DCHS1: variants seen among roughly 807,000 people sequenced by gnomAD.
DCHS1 encodes the protein dachsous cadherin-related 1.
A neutral mutation model predicts 213.9 loss-of-function variants in DCHS1; 78 were observed. That is an observed-to-expected ratio of 0.36 (90% CI 0.30 to 0.44). The LOEUF is 0.44. Among genes scored for constraint, DCHS1 ranks in the 20% least tolerant of loss-of-function variants. The pLI, the probability that DCHS1 is intolerant of heterozygous loss-of-function variation, is 1.00. For missense variants in DCHS1, 3,946 were observed against 4,395.9 expected, an observed-to-expected ratio of 0.90 and a Z score of 2.89; for synonymous variants, 1,828 against 1,873.7, an observed-to-expected ratio of 0.98 and a Z score of 0.63.
chr11:6,634,605 T>C (rs1223887603), intron 2 of DCHS1, among the ~76,000 whole-genome samples: 10 of 152,236 alleles, frequency 6.6e-5, no homozygotes, highest in Admixed American at 6.5e-4. Context: ...AACATTGAAC[T>C]CACAGCCAAC....
intron 2 of DCHS1, among the ~76,000 whole-genome samples, chr11:6,635,703 C>T (rs960121542): frequency 1.2e-4 from 19 of 152,180 alleles, no homozygotes; most frequent in Non-Finnish European, 7.3e-5. Context: ...GACAGACTTC[C>T]CCTACATCAA....
chr11:6,633,355 A>T, intron 5 of DCHS1, 57 bp downstream of exon 5: 1 of 1,489,072 alleles, frequency 6.7e-7, no homozygotes, highest in Non-Finnish European at 9.1e-7. Context: ...ATGGTGCTGG[A>T]GGGTTATACT....
In DCHS1 at chr11:6,625,315, G is replaced by A. The variant is rs1855776420; in HGVS notation, c.7029C>T (p.Asp2343=). 2 of 1,613,722 alleles carry A rather than the reference G, an allele frequency of 1.2e-6. No homozygotes were observed. The highest frequency in any genetic ancestry group is 1.3e-5 in the African/African-American group (1 of 74,930). ...LTGPLDFEQC[D]RYQLQLLAHD... is the part of the protein sequence containing the mutation. ...GTGCCAGCAGCTGCAGCTGGTAGCGGTCACACTGCTCAAAGTCCAGGGGCC... is the reference window on the plus strand; with the variant it reads ...GTGCCAGCAGCTGCAGCTGGTAGCGATCACACTGCTCAAAGTCCAGGGGCC... Residue 2343 remains aspartate, a synonymous_variant, in exon 19 of 21, where the codon GAC becomes GAT. Coordinates refer to ENST00000299441, the MANE Select transcript of DCHS1 (RefSeq NM_003737.4). This position sits in a 1 kb window ranked among gnomAD's most constrained non-coding sequence, Gnocchi z 5.3.
Position 6,640,938 on chromosome 11 carries a change from C to T in DCHS1, c.676G>A (p.Glu226Lys). Residue 226 changes from glutamate to lysine, a missense_variant, in exon 2 of 21, where the codon GAG becomes AAG. Glu to Lys is a moderately conservative substitution (Grantham distance 56, BLOSUM62 1). This residue lies in a region of DCHS1 where 3,384 missense variants were observed against 3,780.1 expected (regional missense o/e 0.90). Coordinates refer to ENST00000299441, the MANE Select transcript of DCHS1 (RefSeq NM_003737.4). This position sits in a 1 kb window ranked among gnomAD's most constrained non-coding sequence, Gnocchi z 6.5. ...GGGGGTGAACCACCATCATAGGCCT[C>T]CAGCTGTAGCATATAGTGTGAGCGG... ...ENRSHYMLQL[E>K]AYDGGSPPRR... 1 of 1,614,028 alleles carries T rather than the reference C, an allele frequency of 6.2e-7. No individual in the cohort carries two copies. The highest frequency in any genetic ancestry group is 8.5e-7 in the Non-Finnish European group (1 of 1,179,890).
At position 6,634,198 on chromosome 11, in the gene DCHS1, C is replaced by T. The variant is rs778767800; in HGVS notation, c.1906G>A (p.Gly636Ser). The T allele has an allele frequency of 6.2e-6, 10 of 1,613,894 alleles. No homozygotes were observed. The highest frequency in any genetic ancestry group is 3.3e-5 in the Admixed American group (2 of 60,018). Residue 636 changes from glycine (G) to serine (S), a missense_variant, in exon 3 of 21, where the codon GGT becomes AGT. Gly to Ser is a moderately conservative substitution (Grantham distance 56, BLOSUM62 0). Transcript: ENST00000299441. ...AGGGTCCGGGTTGTGCACACATCAC[C>T]GCTGTGGGCATCAATGCGGAATGGG... ...SPPFRIDAHS[G>S]DVCTTRTLDR... is the part of the protein sequence containing the mutation.
In DCHS1 at chr11:6,629,884, T is replaced by C. The variant is rs1225216720; in HGVS notation, c.4823A>G (p.Asp1608Gly). The C allele has an allele frequency of 1.2e-5, 20 of 1,612,696 alleles. No individual in the cohort carries two copies. The highest frequency in any genetic ancestry group is 1.7e-5 in the Non-Finnish European group (20 of 1,179,496). Residue 1608 changes from aspartate to glycine, a missense_variant, in exon 11 of 21, where the codon GAC becomes GGC. By Grantham distance (94) the Asp-to-Gly change is moderately conservative (BLOSUM62 -1). Coordinates refer to ENST00000299441, the MANE Select transcript of DCHS1 (RefSeq NM_003737.4). ...TGALSVVRPL[D>G]REQRAEHVLT... ...TACGTGCTCAGCTCGTTGTTCGCGG[T>C]CCAACGGCCGCACCACGGACAGCGC...
rs1022849367 is a variant in DCHS1, at chr11:6,623,623, C to T, written c.8053G>A (p.Ala2685Thr). ...GTCACTGGTGCCAAAGCAAAGTGTG[C>T]ACCAGCAGGGTCAGCAGCCTGTACT... ...LVVQAADPAG[A>T]HFALAPVTIE... Residue 2685 changes from alanine to threonine, a missense_variant, in exon 21 of 21, where the codon GCA becomes ACA. Ala to Thr is a moderately conservative substitution (Grantham distance 58). Transcript: ENST00000299441. The T allele has an allele frequency of 2.5e-6, 4 of 1,613,816 alleles. No homozygotes were observed. The highest frequency in any genetic ancestry group is 3.4e-6 in the Non-Finnish European group (4 of 1,179,886).
At position 6,640,274 on chromosome 11, in the gene DCHS1, G is replaced by A. The variant is rs1856047929; in HGVS notation, c.1340C>T (p.Ser447Leu). ...CTCAGCCCGCAGTGGAGGTGAGCCT[G>A]AGTCTGTGGCTGTAACCCTCAAGTT... ...AYNLRVTATD[S>L]GSPPLRAEAA... The change falls in exon 2 of 21, where the codon TCA becomes TTA. Residue 447 changes from serine (S) to leucine (L), a missense_variant. Transcript: ENST00000299441. This position sits in a 1 kb window ranked among gnomAD's most constrained non-coding sequence, Gnocchi z 6.5. 3.1e-6 allele frequency: 5 copies of A among 1,609,236 alleles called. No homozygotes were observed. Among genetic ancestry groups the A allele is most frequent in the Non-Finnish European group, 3.4e-6 (4 of 1,177,868 alleles).
chr11:6,641,692 C>G lies in DCHS1; in HGVS notation c.-79G>C, dbSNP rs1856078361. On this transcript the variant is annotated 5_prime_UTR_variant, in exon 2 of 21. Transcript: ENST00000299441. This position sits in a 1 kb window ranked among gnomAD's most constrained non-coding sequence, Gnocchi z 7.1. Reference sequence around the variant, plus strand: ...CCCAGCTTGACCTCAGACTTTGGGTCAGGTCCCACTGGGGCCCTGGCTCCA... The same window carrying G: ...CCCAGCTTGACCTCAGACTTTGGGTGAGGTCCCACTGGGGCCCTGGCTCCA... The G allele has an allele frequency of 6.8e-7, 1 of 1,462,650 alleles. No homozygotes were observed. Among genetic ancestry groups the G allele is most frequent in the Non-Finnish European group, 9.0e-7 (1 of 1,105,334 alleles). The allele number at this position is 1,462,650 out of a possible 1,614,324, so 90.6% of individuals were successfully genotyped here.
chr11:6,641,084 G>T lies in DCHS1; in HGVS notation c.530C>A (p.Thr177Asn), dbSNP rs745623373. ...ARDADAGRLG[T>N]QGYALSGDGA... ...ATCACCAGATAGCGCATAGCCCTGG[G>T]TTCCCAGACGCCCAGCATCTGCATC... Residue 177 changes from threonine (T) to asparagine (N), a missense_variant, in exon 2 of 21, where the codon ACC (threonine) becomes AAC (asparagine). This residue lies in a region of DCHS1 where 3,384 missense variants were observed against 3,780.1 expected (regional missense o/e 0.90). Transcript: ENST00000299441. This position sits in a 1 kb window ranked among gnomAD's most constrained non-coding sequence, Gnocchi z 7.1. The T allele has an allele frequency of 4.3e-6, 7 of 1,613,998 alleles. No individual in the cohort carries two copies. Among genetic ancestry groups the T allele is most frequent in the Non-Finnish European group, 5.9e-6 (7 of 1,179,904 alleles).
rs530939925 is a variant in DCHS1 at position 6,628,542 on chromosome 11, C to T, written c.5371+79G>A. On this transcript the variant is annotated intron_variant, in intron 13 of 20. Coordinates refer to ENST00000299441, the MANE Select transcript of DCHS1 (RefSeq NM_003737.4). This position sits in a 1 kb window ranked among gnomAD's most constrained non-coding sequence, Gnocchi z 4.3. Reference sequence around the variant, plus strand: ...GGAAAAGGAGACCCAGACACATGCACTGAGGCTGACAGCAGCCAAGAAGGA... The same window carrying T: ...GGAAAAGGAGACCCAGACACATGCATTGAGGCTGACAGCAGCCAAGAAGGA... 4.6e-6 allele frequency: 7 copies of T among 1,526,682 alleles called. No individual in the cohort carries two copies. The highest frequency in any genetic ancestry group is 6.3e-6 in the Non-Finnish European group (7 of 1,103,694). 94.6% of individuals were successfully genotyped at this position (1,526,682 alleles called of 1,614,324 possible).
intron 1 of DCHS1, among the ~76,000 whole-genome samples, chr11:6,644,960 A>G (rs891082960): frequency 6.6e-6 from 1 of 152,126 alleles, no homozygotes; most frequent in Non-Finnish European, 1.5e-5. Context: ...CCTCTCTCCC[A>G]TCTGTGTGAA....
chr11:6,651,641 A>G (rs981059413), intron 1 of DCHS1, among the ~76,000 whole-genome samples: 11 of 152,242 alleles, frequency 7.2e-5, no homozygotes, highest in African/African-American at 2.4e-4. Flanking sequence ...GCAAAAATTC[A>G]TGTGAAAAGA....
rs1346921423 is a variant in DCHS1 at position 6,624,357 on chromosome 11, A to G, written c.7319T>C (p.Leu2440Ser). 1.9e-6 allele frequency: 3 copies of G among 1,575,244 alleles called. No homozygotes were observed. The highest frequency in any genetic ancestry group is 2.6e-6 in the Non-Finnish European group (3 of 1,160,612). Residue 2440 changes from leucine to serine, a missense_variant, in exon 21 of 21, where the codon TTG (leucine) becomes TCG (serine). Transcript: ENST00000299441. ...CACTGCTCCTGACCCGTCATGGCCC[A>G]AGGCCACTGTTCCCACTATTGTGAA... Reference protein sequence around the residue: ...TLFTIVGTVALGHDGSGAVDV... With the variant: ...TLFTIVGTVASGHDGSGAVDV...
intron 1 of DCHS1, among the ~76,000 whole-genome samples, chr11:6,650,918 G>C (rs1425847469): frequency 3.9e-5 from 6 of 152,230 alleles, no homozygotes. Context: ...GGTGAGGGGA[G>C]TGGAAGTGTC....
intron 1 of DCHS1, among the ~76,000 whole-genome samples, chr11:6,649,168 G>A (rs552936609): frequency 3.3e-5 from 5 of 151,338 alleles, no homozygotes; most frequent in East Asian, 1.9e-4. Flanking sequence ...AGGAAACTGA[G>A]GGCTCAAAGA....
chr11:6,622,145 G>A lies in DCHS1; in HGVS notation c.9531C>T (p.Ala3177=). 6 of 1,612,640 alleles carry A rather than the reference G, an allele frequency of 3.7e-6. No homozygotes were observed. The highest frequency in any genetic ancestry group is 5.1e-6 in the Non-Finnish European group (6 of 1,179,744). The change falls in exon 21 of 21, where the codon GCC becomes GCT. Residue 3177 remains alanine, a synonymous_variant. Coordinates refer to ENST00000299441, the MANE Select transcript of DCHS1 (RefSeq NM_003737.4). This position sits in a 1 kb window ranked among gnomAD's most constrained non-coding sequence, Gnocchi z 5.4. ...GCCGAGCGATCTCTGTGAAGACACT[G>A]GCCAGTGGTTGGAACTGAGGGCACC... ...LSWCPQFQPL[A]SVFTEIARLK...
rs923407513 is a variant in DCHS1 at position 6,624,726 on chromosome 11, G to A, written c.7285+4C>T. Reference sequence around the variant, plus strand: ...GCAAGGGGCAGATCCTGGGAAAGACGCACCATTGTTGGGGTCAACACTGAA... The same window carrying A: ...GCAAGGGGCAGATCCTGGGAAAGACACACCATTGTTGGGGTCAACACTGAA... On this transcript the variant is annotated splice_donor_region_variant and intron_variant, in intron 20 of 20. Transcript: ENST00000299441. The A allele has an allele frequency of 6.8e-6, 11 of 1,613,860 alleles. No homozygotes were observed. Among genetic ancestry groups the A allele is most frequent in the Admixed American group, 1.7e-5 (1 of 60,004 alleles).
intron 1 of DCHS1, among the ~76,000 whole-genome samples, chr11:6,648,764 T>C (rs1856202812): frequency 6.6e-6 from 1 of 152,240 alleles, no homozygotes; most frequent in African/African-American, 2.4e-5. Context: ...TTTCCTCATT[T>C]ATAAATAAGG....
Sources: gnomAD v4.1 joint callset for allele counts (sites outside exome capture counted in the v4.1 genomes callset) on GRCh38, gnomAD v4.1.1 for gene constraint, gnomAD v4.1.1 regional missense constraint, Gnocchi (gnomAD v3.1) non-coding constraint, MANE v1.5 for transcripts, NCBI Gene and HGNC (gene_info 2026-07-23, HGNC 2026-07-21) for gene names.